EFNA4: variants seen among roughly 807,000 people sequenced by gnomAD.
The protein encoded by EFNA4 is ephrin A4.
A neutral mutation model predicts 23.7 loss-of-function variants in EFNA4; 22 were observed. The observed-to-expected ratio is 0.93, with a 90% CI of 0.66 to 1.32. EFNA4 has a LOEUF of 1.32. Ranked by LOEUF, EFNA4 falls within the 40% of genes most tolerant of loss-of-function variation. The probability of loss-of-function intolerance (pLI) is 0.00; values close to 1 mark genes in which losing one functional copy is unlikely to be tolerated. For missense variants in EFNA4, 252 were observed against 252.3 expected (o/e 1.00, Z 0.01); for synonymous variants, 113 against 108.3 (o/e 1.04, Z -0.27).
At chr1:155,067,864 G>C (rs1262873477) in intron 3 of EFNA4, among the ~76,000 whole-genome samples, 2 of 151,888 alleles carry the variant, frequency 1.3e-5, no homozygotes, top group African/African-American at 4.8e-5. Flanking sequence ...CTTGTGATCT[G>C]CCCACCTCAG....
intron 1 of EFNA4, among the ~76,000 whole-genome samples, chr1:155,065,530 T>A: frequency 6.6e-6 from 1 of 150,478 alleles, no homozygotes; most frequent in Non-Finnish European, 1.5e-5. Context: ...CTCATTCTTT[T>A]TTTTTTTTTT....
At chr1:155,064,246 C>G (rs968498470) in intron 1 of EFNA4, among the ~76,000 whole-genome samples, 1 of 152,248 alleles carries the variant, frequency 6.6e-6, no homozygotes, top group Non-Finnish European at 1.5e-5. Flanking sequence ...GCTCTCCTGG[C>G]GATCCCCAGC....
chr1:155,068,712 T>G, intron 3 of EFNA4, 141 bp from the exon 4 acceptor site: 4 of 909,076 alleles, frequency 4.4e-6, no homozygotes, highest in African/African-American at 1.7e-5. Context: ...TTAGAAAGGA[T>G]GAGGTCATAG....
intron 3 of EFNA4, among the ~76,000 whole-genome samples, chr1:155,068,010 T>A (rs1663092325): frequency 6.6e-6 from 1 of 152,128 alleles, no homozygotes; most frequent in Non-Finnish European, 1.5e-5. Context: ...AGCCTCAAAC[T>A]CCTGGGTTCA....
chr1:155,069,144 G>C lies in EFNA4; in HGVS notation c.*155G>C, dbSNP rs1472197427. On this transcript the variant is annotated 3_prime_UTR_variant, in exon 4 of 4. Transcript: ENST00000368409. ...GATCAGAGGGTCTGAGGTGACTCTTGCAGGAGCCTGTCCCCTCATCACAGG... is the reference window on the plus strand; with the variant it reads ...GATCAGAGGGTCTGAGGTGACTCTTCCAGGAGCCTGTCCCCTCATCACAGG... 1.2e-6 allele frequency: 2 copies of C among 1,609,926 alleles called. No individual in the cohort carries two copies. Among genetic ancestry groups the C allele is most frequent in the African/African-American group, 2.7e-5 (2 of 74,500 alleles).
At position 155,069,337 on chromosome 1, in the gene EFNA4, A is replaced by G. The variant is rs563813867; in HGVS notation, c.*348A>G. On this transcript the variant is annotated 3_prime_UTR_variant, in exon 4 of 4. Coordinates refer to ENST00000368409, the MANE Select transcript of EFNA4 (RefSeq NM_005227.3). ...GGGCCCAGGCTGAAGACCTGGGGAC[A>G]GGTCGATTGCTGGACCAGGGCAAAG... 1.1e-3 allele frequency: 839 copies of G among 751,344 alleles called. 12 individuals carry two copies. In the South Asian group the frequency reaches 0.018, roughly 16 times the overall value. 46.5% of individuals were successfully genotyped at this position (751,344 alleles called of 1,614,324 possible). A position where few individuals can be genotyped will look rare whatever the true frequency, so the allele number is the denominator to read the frequency against.
intron 3 of EFNA4, 66 bp from the exon 4 acceptor site, chr1:155,068,787 G>A: frequency 6.6e-7 from 1 of 1,506,186 alleles, no homozygotes; most frequent in East Asian, 2.3e-5. Flanking sequence ...AACTGCTAAT[G>A]GGAAGGGGAG....
intron 3 of EFNA4, 32 bp downstream of exon 3, chr1:155,067,472 C>T (rs760719532): frequency 1.2e-6 from 2 of 1,611,158 alleles, no homozygotes; most frequent in South Asian, 2.2e-5. Flanking sequence ...ACCCTACTGG[C>T]TAATGTGGGG....
At chr1:155,066,187 C>G (rs540693812) in intron 1 of EFNA4, among the ~76,000 whole-genome samples, 43 of 152,214 alleles carry the variant, frequency 2.8e-4, no homozygotes, top group South Asian at 2.3e-3. Context: ...CTTTTTTTAC[C>G]GTGACATTCT....
At position 155,069,149 on chromosome 1, in the gene EFNA4, A is replaced by G. The variant is rs1160251060; in HGVS notation, c.*160A>G. 1 of 1,609,270 alleles carries G rather than the reference A, an allele frequency of 6.2e-7. No homozygotes were observed. Among genetic ancestry groups the G allele is most frequent in the East Asian group, 2.2e-5 (1 of 44,864 alleles). ...GAGGGTCTGAGGTGACTCTTGCAGGAGCCTGTCCCCTCATCACAGGCTAAA... is the reference window on the plus strand; with the variant it reads ...GAGGGTCTGAGGTGACTCTTGCAGGGGCCTGTCCCCTCATCACAGGCTAAA... On this transcript the variant is annotated 3_prime_UTR_variant, in exon 4 of 4. Transcript: ENST00000368409.
In EFNA4 at chr1:155,069,298, C is replaced by T. The variant is rs1663126180; in HGVS notation, c.*309C>T. The stretch of plus-strand genomic sequence containing the variant: ...GACTGGGATTTGGTATGATCAAATC[C>T]TCAAGCCAGCTGGGGGCCCAGGCTG... On this transcript the variant is annotated 3_prime_UTR_variant, in exon 4 of 4. Transcript: ENST00000368409. The T allele has an allele frequency of 8.8e-7, 1 of 1,140,936 alleles. No individual in the cohort carries two copies. Among genetic ancestry groups the T allele is most frequent in the Non-Finnish European group, 1.2e-6 (1 of 837,474 alleles). The allele number at this position is 1,140,936 out of a possible 1,614,324, so 70.7% of individuals were successfully genotyped here. A position where few individuals can be genotyped will look rare whatever the true frequency, so the allele number is the denominator to read the frequency against.
intron 1 of EFNA4, among the ~76,000 whole-genome samples, chr1:155,066,175 TTC>T (rs1485526348): frequency 6.6e-6 from 1 of 152,194 alleles, no homozygotes. Flanking sequence ...GCCTCCCTCA[TTC>T]TTTTTTTACC....
chr1:155,067,364 C>T lies in EFNA4; in HGVS notation c.401-8C>T, dbSNP rs1663077120. On this transcript the variant is annotated splice_region_variant and splice_polypyrimidine_tract_variant and intron_variant, in intron 2 of 3. Coordinates refer to ENST00000368409, the MANE Select transcript of EFNA4 (RefSeq NM_005227.3). Reference sequence around the variant, plus strand: ...GTGCTAACTTTTTCCCACTTTCCCACTACCCAGCGGTGCCCACTCCAGAGA... The same window carrying T: ...GTGCTAACTTTTTCCCACTTTCCCATTACCCAGCGGTGCCCACTCCAGAGA... The T allele has an allele frequency of 6.2e-7, 1 of 1,614,060 alleles. No individual in the cohort carries two copies. The highest frequency in any genetic ancestry group is 8.5e-7 in the Non-Finnish European group (1 of 1,180,026).
At position 155,066,985 on chromosome 1, in the gene EFNA4, G is replaced by C; in HGVS notation, c.369G>C (p.Glu123Asp). 1 of 1,613,136 alleles carries C rather than the reference G, an allele frequency of 6.2e-7. No homozygotes were observed. Among genetic ancestry groups the C allele is most frequent in the South Asian group, 1.1e-5 (1 of 90,918 alleles). The change falls in exon 2 of 4, where the codon GAG (glutamate) becomes GAC (aspartate). Residue 123 changes from glutamate to aspartate, a missense_variant. Glu to Asp is a conservative substitution (Grantham distance 45). Transcript: ENST00000368409. ...TCACACCCTTCTCCCTCGGCTTTGA[G>C]TTCTTACCTGGAGAGACTTACTACT... ...QRFTPFSLGF[E>D]FLPGETYYYI...
At chr1:155,067,128 G>A in intron 2 of EFNA4, 112 bp downstream of exon 2, 5 of 1,338,110 alleles carry the variant, frequency 3.7e-6, no homozygotes, top group Non-Finnish European at 5.1e-6. Context: ...ATCGGGTTGA[G>A]GTATGGGCTG....
rs988198140 is a variant in EFNA4, at chr1:155,063,799, C to T, written c.-25C>T. On this transcript the variant is annotated 5_prime_UTR_variant, in exon 1 of 4. Transcript: ENST00000368409. This position sits in a 1 kb window ranked among gnomAD's most constrained non-coding sequence, Gnocchi z 4.1. ...TGAAGCGGGCCGGGACCTGCCAGGC[C>T]AGACCAAACCGGACCTCGGGGGCGA... is the stretch of plus-strand genomic sequence containing the variant. The T allele has an allele frequency of 4.6e-6, 7 of 1,508,202 alleles. No homozygotes were observed. The African/African-American group carries it at 7.2e-5, about 16-fold the overall frequency. The allele number at this position is 1,508,202 out of a possible 1,614,324, so 93.4% of individuals were successfully genotyped here.
In EFNA4 at chr1:155,063,922, C is replaced by T. The variant is rs1230597690; in HGVS notation, c.99C>T (p.Asn33=). Residue 33 remains asparagine, a synonymous_variant, in exon 1 of 4, where the codon AAC becomes AAT. Transcript: ENST00000368409. The surrounding 1 kb of genome is among the most constrained non-coding windows in gnomAD (Gnocchi z 4.1). ...GCCTCCGCCACGTAGTCTACTGGAA[C>T]TCCAGTAACCCCAGGTAGCCGGGCC... ...GSSLRHVVYW[N]SSNPRLLRGD... is the part of the protein sequence containing the mutation. 1 of 1,564,398 alleles carries T rather than the reference C, an allele frequency of 6.4e-7. No homozygotes were observed. The highest frequency in any genetic ancestry group is 1.2e-5 in the South Asian group (1 of 84,704).
intron 1 of EFNA4, among the ~76,000 whole-genome samples, chr1:155,064,425 C>T (rs1298697795): frequency 6.6e-6 from 1 of 152,276 alleles, no homozygotes; most frequent in Non-Finnish European, 1.5e-5. Context: ...TTTATTGGTC[C>T]TTCTGTTTCT....
Position 155,069,156 on chromosome 1 carries a change from C to T in EFNA4, c.*167C>T. ...TGAGGTGACTCTTGCAGGAGCCTGT[C>T]CCCTCATCACAGGCTAAAGAAGAGC... On this transcript the variant is annotated 3_prime_UTR_variant, in exon 4 of 4. Coordinates refer to ENST00000368409, the MANE Select transcript of EFNA4 (RefSeq NM_005227.3). 1 of 1,607,964 alleles carries T rather than the reference C, an allele frequency of 6.2e-7. No homozygotes were observed.
Sources: gnomAD v4.1 joint callset for allele counts (sites outside exome capture counted in the v4.1 genomes callset) on GRCh38, gnomAD v4.1.1 for gene constraint, Gnocchi (gnomAD v3.1) non-coding constraint, MANE v1.5 for transcripts, NCBI Gene and HGNC (gene_info 2026-07-23, HGNC 2026-07-21) for gene names.